Variants in BAIAP2L1 observed in about 807,000 individuals in gnomAD.
BAIAP2L1 encodes BAR/IMD domain containing adaptor protein 2 like 1.
Under a neutral mutation model 66.3 loss-of-function variants are expected in BAIAP2L1, and 35 were observed. The observed-to-expected ratio is 0.53, with a 90% CI of 0.40 to 0.70. BAIAP2L1 has a LOEUF of 0.70. Among genes scored for constraint, BAIAP2L1 ranks in the 30% least tolerant of loss-of-function variants. BAIAP2L1 has a pLI of 0.00. For synonymous variants in BAIAP2L1, 269 were observed against 248.7 expected, an observed-to-expected ratio of 1.08 and a Z score of -0.77; for missense variants, 622 against 656.9, an observed-to-expected ratio of 0.95 and a Z score of 0.58.
chr7:98,393,600 C>T (rs1803125072), intron 1 of BAIAP2L1, among the ~76,000 whole-genome samples: 2 of 151,754 alleles, frequency 1.3e-5, no homozygotes, highest in African/African-American at 4.8e-5. Flanking sequence ...TGGGTTCACG[C>T]CATTCTCCCG....
At chr7:98,301,900 C>T (rs913480132) in intron 12 of BAIAP2L1, among the ~76,000 whole-genome samples, 5 of 152,148 alleles carry the variant, frequency 3.3e-5, no homozygotes, top group African/African-American at 1.2e-4. Context: ...GTGGAGGCTG[C>T]AGGGCACCAG....
chr7:98,400,992 G>A lies in BAIAP2L1; in HGVS notation c.-140C>T. 1.6e-6 allele frequency: 1 copy of A among 634,884 alleles called. No individual in the cohort carries two copies. Among genetic ancestry groups the A allele is most frequent in the Non-Finnish European group, 2.3e-6 (1 of 434,072 alleles). The allele number at this position is 634,884 out of a possible 1,614,324, so 39.3% of individuals were successfully genotyped here. On this transcript the variant is annotated 5_prime_UTR_variant, in exon 1 of 14. Transcript: ENST00000005260. ...CCGCCGCAGCCGTCGGCCCGAGAGT[G>A]CCCGCGCGCGTCTCCGCTGCGAAAA...
chr7:98,342,813 T>TTTCA (rs1244942556), intron 3 of BAIAP2L1, among the ~76,000 whole-genome samples: 1 of 152,198 alleles, frequency 6.6e-6, no homozygotes. Context: ...CTGTTTTCCC[T>TTTCA]TTCACCTTTT....
chr7:98,400,544 A>C (rs1288524045), intron 1 of BAIAP2L1, among the ~76,000 whole-genome samples: 2 of 110,558 alleles, frequency 1.8e-5, no homozygotes, highest in African/African-American at 3.5e-5. Flanking sequence ...ACAGGGAAGA[A>C]GCACAGGGAG....
At chr7:98,363,767 A>G (rs1322265628) in intron 1 of BAIAP2L1, among the ~76,000 whole-genome samples, 1 of 152,198 alleles carries the variant, frequency 6.6e-6, no homozygotes, top group African/African-American at 2.4e-5. Flanking sequence ...CTCCATTTAT[A>G]TAGACGACCA....
chr7:98,389,394 C>G (rs1802973987), intron 1 of BAIAP2L1, among the ~76,000 whole-genome samples: 1 of 152,112 alleles, frequency 6.6e-6, no homozygotes, highest in South Asian at 2.1e-4. Context: ...TCTGAGCTCA[C>G]TGCAACCTCC....
intron 3 of BAIAP2L1, among the ~76,000 whole-genome samples, chr7:98,340,476 A>T (rs183044902): frequency 2.6e-5 from 4 of 151,710 alleles, no homozygotes; most frequent in Admixed American, 2.6e-4. Flanking sequence ...TTTAGTAGAG[A>T]CGGGGTTTCA....
intron 12 of BAIAP2L1, among the ~76,000 whole-genome samples, chr7:98,296,916 C>T (rs1800215517): frequency 6.6e-6 from 1 of 152,204 alleles, no homozygotes. Context: ...TCACACTCAG[C>T]CCACTGTGGT....
chr7:98,306,000 G>A (rs1238958215), intron 11 of BAIAP2L1, among the ~76,000 whole-genome samples: 1 of 152,198 alleles, frequency 6.6e-6, no homozygotes, highest in African/African-American at 2.4e-5. Flanking sequence ...ATGGGCAGAA[G>A]AGGGGTGCAA....
intron 1 of BAIAP2L1, among the ~76,000 whole-genome samples, chr7:98,375,540 A>C (rs1025572105): frequency 1.3e-4 from 20 of 151,956 alleles, no homozygotes; most frequent in African/African-American, 4.4e-4. Flanking sequence ...ACCTGAGGTA[A>C]GGAGTTCGAG....
intron 2 of BAIAP2L1, among the ~76,000 whole-genome samples, chr7:98,361,062 A>T (rs1054000132): frequency 6.6e-6 from 1 of 152,170 alleles, no homozygotes; most frequent in African/African-American, 2.4e-5. Context: ...CCAGTATGGC[A>T]AAAAAGATAA....
chr7:98,310,407 A>C, intron 9 of BAIAP2L1, 38 bp downstream of exon 9: 1 of 1,558,372 alleles, frequency 6.4e-7, no homozygotes, highest in Non-Finnish European at 8.7e-7. Context: ...AAACAAATGT[A>C]AAAGGTATCT....
At chr7:98,356,278 T>C (rs1266020999) in intron 2 of BAIAP2L1, among the ~76,000 whole-genome samples, 1 of 152,140 alleles carries the variant, frequency 6.6e-6, no homozygotes, top group Non-Finnish European at 1.5e-5. Context: ...GTATTGAAGA[T>C]GTATGATAGA....
chr7:98,380,994 G>A (rs1032180199), intron 1 of BAIAP2L1, among the ~76,000 whole-genome samples: 19 of 152,144 alleles, frequency 1.2e-4, no homozygotes, highest in Admixed American at 9.8e-4. Flanking sequence ...GTCATCCCCC[G>A]TCCTTTGGGA....
chr7:98,332,056 A>G (rs978775271), intron 3 of BAIAP2L1, among the ~76,000 whole-genome samples: 13 of 152,114 alleles, frequency 8.5e-5, no homozygotes, highest in African/African-American at 2.9e-4. Flanking sequence ...AGAGACAAAA[A>G]TCACATAGGT....
intron 12 of BAIAP2L1, among the ~76,000 whole-genome samples, chr7:98,303,639 C>T (rs888486715): frequency 1.7e-4 from 26 of 152,264 alleles, no homozygotes; most frequent in African/African-American, 5.8e-4. Flanking sequence ...TGTGCGGTGG[C>T]GGGAATGGAT....
At position 98,292,480 on chromosome 7, in the gene BAIAP2L1, A is replaced by G. The variant is rs1303380962; in HGVS notation, c.*1041T>C. ...CTGGGCCGGGCTGGGAATTTTAACC[A>G]TGACTCTCCACTCCAAAATAGGTCC... is the stretch of plus-strand genomic sequence containing the variant. On this transcript the variant is annotated 3_prime_UTR_variant, in exon 14 of 14. Transcript: ENST00000005260. The G allele has an allele frequency of 1.1e-5, 8 of 703,144 alleles. No individual in the cohort carries two copies. The highest frequency in any genetic ancestry group is 5.9e-5 in the South Asian group (3 of 50,866). The allele number at this position is 703,144 out of a possible 1,614,324, so 43.6% of individuals were successfully genotyped here.
rs1245287405 is a variant in BAIAP2L1, at chr7:98,304,292, G to A, written c.1326C>T (p.Cys442=). 2.5e-6 allele frequency: 4 copies of A among 1,613,644 alleles called. No homozygotes were observed. Among genetic ancestry groups the A allele is most frequent in the Non-Finnish European group, 2.5e-6 (3 of 1,179,752 alleles). The change falls in exon 12 of 14, where the codon TGC becomes TGT. Residue 442 remains cysteine, a synonymous_variant. Transcript: ENST00000005260. The part of the protein sequence containing the change: ...VVIPPPDYLE[C]LSMGAAADRR... ...TGTCGGCAGCTGCCCCCATGGACAA[G>A]CATTCCAAGTAGTCGGGTGGGGGGA...
intron 1 of BAIAP2L1, chr7:98,385,728 C>CTTTTTTTTT: frequency 9.2e-7 from 1 of 1,087,094 alleles, no homozygotes; most frequent in Non-Finnish European, 1.3e-6. Context: ...ATCAACATTT[C>CTTTTTTTTT]TTTTTTTTGT....
Sources: allele counts gnomAD v4.1 joint callset (sites outside exome capture counted in the v4.1 genomes callset), GRCh38; gene constraint gnomAD v4.1.1; transcripts MANE v1.5; gene names NCBI Gene and HGNC (gene_info 2026-07-23, HGNC 2026-07-21).